Variants in MCTP1 observed in about 807,000 individuals in gnomAD.
MCTP1 encodes multiple C2 and transmembrane domain-containing protein 1.
A neutral mutation model predicts 120.6 loss-of-function variants in MCTP1; 69 were observed. The ratio of observed to expected loss-of-function variants is 0.57; its 90% confidence interval spans 0.47 to 0.70. MCTP1 has a LOEUF of 0.70. Among genes scored for constraint, MCTP1 ranks in the 30% least tolerant of loss-of-function variants. MCTP1 has a pLI of 0.00. For missense variants in MCTP1, 1,203 were observed against 1,248.8 expected (o/e 0.96, Z 0.55); for synonymous variants, 529 against 493.1 (o/e 1.07, Z -0.96).
intron 2 of MCTP1, among the ~76,000 whole-genome samples, chr5:94,983,747 G>A (rs1829953095): frequency 6.6e-6 from 1 of 152,118 alleles, no homozygotes; most frequent in Non-Finnish European, 1.5e-5. Flanking sequence ...AACCATACAT[G>A]GCTGGGTATC....
intron 1 of MCTP1, among the ~76,000 whole-genome samples, chr5:95,233,521 G>T (rs1023455892): frequency 2.6e-5 from 4 of 152,100 alleles, no homozygotes; most frequent in Middle Eastern, 6.8e-3. Flanking sequence ...AGTAGAGACG[G>T]GGTTTCACTG....
intron 2 of MCTP1, among the ~76,000 whole-genome samples, chr5:95,012,332 T>A (rs1204412185): frequency 6.6e-6 from 1 of 152,146 alleles, no homozygotes; most frequent in East Asian, 1.9e-4. Context: ...TCCTGGTATA[T>A]CATTAAGTAG....
chr5:95,181,947 A>G (rs1430539496), intron 1 of MCTP1, among the ~76,000 whole-genome samples: 1 of 152,212 alleles, frequency 6.6e-6, no homozygotes, highest in Non-Finnish European at 1.5e-5. Flanking sequence ...TGATAAACCC[A>G]TAGGATGTTT....
chr5:95,012,734 G>T (rs897429665), intron 2 of MCTP1, among the ~76,000 whole-genome samples: 1 of 152,068 alleles, frequency 6.6e-6, no homozygotes, highest in African/African-American at 2.4e-5. Flanking sequence ...AGTGAATGTT[G>T]TGTGTGTTCT....
intron 19 of MCTP1, among the ~76,000 whole-genome samples, chr5:94,769,828 C>T (rs1350924000): frequency 6.6e-6 from 1 of 152,106 alleles, no homozygotes; most frequent in Admixed American, 6.5e-5. Context: ...AACTCAGATG[C>T]CACTGGATAT....
intron 1 of MCTP1, among the ~76,000 whole-genome samples, chr5:95,166,898 G>A (rs1051438570): frequency 3.4e-5 from 5 of 149,226 alleles, no homozygotes; most frequent in African/African-American, 1.2e-4. Context: ...ATTTTTCCAT[G>A]TGTCTTTCCC....
chr5:94,932,213 TAAAAAAAAAAAAAAA>T (rs368203326), intron 5 of MCTP1, among the ~76,000 whole-genome samples: 1 of 95,846 alleles, frequency 1.0e-5, no homozygotes, highest in African/African-American at 4.1e-5. Flanking sequence ...TATTCCTTTG[TAAAAAAAAAAAAAAA>T]AAAAAAAAAA....
chr5:94,918,184 A>C (rs985570053), intron 7 of MCTP1, among the ~76,000 whole-genome samples: 2 of 152,234 alleles, frequency 1.3e-5, no homozygotes, highest in Non-Finnish European at 2.9e-5. Context: ...TTTCTTTAGT[A>C]GAATGATGCT....
intron 6 of MCTP1, among the ~76,000 whole-genome samples, chr5:94,930,209 TTA>T (rs1404076426): frequency 1.3e-5 from 2 of 151,018 alleles, no homozygotes; most frequent in Non-Finnish European, 3.0e-5. Context: ...TTTACTTAAT[TTA>T]TGTTTAAAAT....
chr5:94,937,047 G>A (rs559485674), intron 5 of MCTP1, among the ~76,000 whole-genome samples: 10 of 152,174 alleles, frequency 6.6e-5, no homozygotes, highest in African/African-American at 2.4e-4. Flanking sequence ...AGGACAGGAA[G>A]TACAAGGATG....
intron 2 of MCTP1, among the ~76,000 whole-genome samples, chr5:95,006,064 C>A (rs984351488): frequency 1.3e-5 from 2 of 152,036 alleles, no homozygotes; most frequent in Admixed American, 1.3e-4. Context: ...AACCATAGCA[C>A]CCAGAGAGAA....
At chr5:94,852,625 A>T (rs1294964612) in intron 17 of MCTP1, among the ~76,000 whole-genome samples, 1 of 151,994 alleles carries the variant, frequency 6.6e-6, no homozygotes, top group African/African-American at 2.4e-5. Flanking sequence ...TTTAATGCTC[A>T]TAGCAAGGTA....
chr5:95,054,902 A>T (rs1291146212), intron 1 of MCTP1, among the ~76,000 whole-genome samples: 3 of 152,012 alleles, frequency 2.0e-5, no homozygotes, highest in African/African-American at 7.2e-5. Context: ...CCGCCTCCCA[A>T]GATCAAGCGA....
chr5:95,262,231 A>T (rs1481230614), intron 1 of MCTP1, among the ~76,000 whole-genome samples: 3 of 152,322 alleles, frequency 2.0e-5, no homozygotes, highest in East Asian at 3.9e-4. Context: ...TAACTCTTGA[A>T]AATCAATCCT....
intron 19 of MCTP1, among the ~76,000 whole-genome samples, chr5:94,725,863 TG>T: frequency 6.6e-6 from 1 of 152,334 alleles, no homozygotes; most frequent in East Asian, 1.9e-4. Flanking sequence ...CATAAATATC[TG>T]GAACATAGGA....
chr5:94,939,125 C>T (rs1816920086), intron 5 of MCTP1, among the ~76,000 whole-genome samples: 1 of 151,642 alleles, frequency 6.6e-6, no homozygotes. Context: ...AGAAATACTT[C>T]TTGAAAGGGT....
intron 1 of MCTP1, among the ~76,000 whole-genome samples, chr5:95,273,962 C>T (rs1243174566): frequency 6.6e-6 from 1 of 152,218 alleles, no homozygotes; most frequent in Non-Finnish European, 1.5e-5. Context: ...AGAGCACAGC[C>T]CAGCTGCAAG....
intron 1 of MCTP1, among the ~76,000 whole-genome samples, chr5:95,095,077 G>A (rs1484538428): frequency 3.3e-5 from 4 of 121,896 alleles, no homozygotes; most frequent in Middle Eastern, 5.0e-3. Flanking sequence ...AGGCTGGAGT[G>A]CAGTGGCGCG....
intron 1 of MCTP1, among the ~76,000 whole-genome samples, chr5:95,060,916 G>T (rs527267392): frequency 7.0e-6 from 1 of 142,408 alleles, no homozygotes; most frequent in South Asian, 2.2e-4. Flanking sequence ...AGAGGTTGTA[G>T]TGGGCAGAGA....
Sources: allele counts gnomAD v4.1 joint callset (sites outside exome capture counted in the v4.1 genomes callset), GRCh38; gene constraint gnomAD v4.1.1; transcripts MANE v1.5; gene names NCBI Gene and HGNC (gene_info 2026-07-23, HGNC 2026-07-21).